SHOC2: variants seen among roughly 807,000 people sequenced by gnomAD.
SHOC2 encodes the protein leucine-rich repeat protein SHOC-2.
A neutral mutation model predicts 50.2 loss-of-function variants in SHOC2; 4 were observed. The observed-to-expected ratio is 0.08, with a 90% CI of 0.04 to 0.18. SHOC2 has a LOEUF of 0.18. Among genes scored for constraint, SHOC2 ranks in the 10% least tolerant of loss-of-function variants. The pLI is 1.00. For synonymous variants in SHOC2, 218 were observed against 244.5 expected (o/e 0.89, Z 1.01); for missense variants, 388 against 669.6 (o/e 0.58, Z 4.64).
At chr10:110,961,428 A>G (rs189139764) in intron 1 of SHOC2, among the ~76,000 whole-genome samples, 144 of 152,322 alleles carry the variant, frequency 9.5e-4, no homozygotes, top group African/African-American at 3.3e-3. Context: ...TGACTGTCAG[A>G]TAATTTGTTA....
intron 3 of SHOC2, among the ~76,000 whole-genome samples, chr10:110,999,760 GAAAGA>G (rs1848335479): frequency 3.4e-5 from 3 of 87,802 alleles, no homozygotes; most frequent in East Asian, 6.4e-4. Context: ...AAAAAAAAAA[GAAAGA>G]AAAGAAAAGA....
intron 3 of SHOC2, among the ~76,000 whole-genome samples, chr10:110,988,023 TTATAAAA>T (rs540914796): frequency 1.2e-4 from 19 of 152,210 alleles, no homozygotes; most frequent in African/African-American, 4.6e-4. Context: ...GTGGTGATAG[TTATAAAA>T]TATAATTTTA....
In SHOC2 at chr10:110,992,825, C is replaced by G. The variant is rs763109215; in HGVS notation, c.841+7060C>G. Reference sequence around the variant, plus strand: ...TCTGTGTTGCTTACTTTTCAGTTTGCTTTCAGTTTAATGTTTCTGAAAAAA... The same window carrying G: ...TCTGTGTTGCTTACTTTTCAGTTTGGTTTCAGTTTAATGTTTCTGAAAAAA... On this transcript the variant is annotated intron_variant, in intron 3 of 8. Coordinates refer to ENST00000369452, the MANE Select transcript of SHOC2 (RefSeq NM_007373.4). 4.5e-4 allele frequency among the ~76,000 whole-genome samples: 68 copies of G among 152,176 alleles called. 1 individual carries two copies. Among genetic ancestry groups the G allele is most frequent in the Middle Eastern group, 6.8e-3 (2 of 294 alleles).
chr10:110,978,581 C>T (rs1847917288), intron 2 of SHOC2, among the ~76,000 whole-genome samples: 1 of 152,200 alleles, frequency 6.6e-6, no homozygotes, highest in African/African-American at 2.4e-5. Flanking sequence ...AAAATCCAAA[C>T]TCTTAAAGAC....
intron 3 of SHOC2, among the ~76,000 whole-genome samples, chr10:110,990,150 G>A (rs553234236): frequency 7.9e-5 from 12 of 152,314 alleles, no homozygotes; most frequent in East Asian, 1.9e-4. Context: ...GAAGGCGAGC[G>A]CATGGCGCGG....
At position 111,011,828 on chromosome 10, in the gene SHOC2, G is replaced by C. The variant is rs760047969; in HGVS notation, c.*10G>C. The stretch of plus-strand genomic sequence containing the variant: ...TCGTGCCATGGTCTGATATAAATCT[G>C]CTGGTCCCACACACTGTTCAAAAAT... On this transcript the variant is annotated 3_prime_UTR_variant, in exon 9 of 9. Coordinates refer to ENST00000369452, the MANE Select transcript of SHOC2 (RefSeq NM_007373.4). 6.2e-7 allele frequency: 1 copy of C among 1,604,778 alleles called. No homozygotes were observed. The highest frequency in any genetic ancestry group is 8.5e-7 in the Non-Finnish European group (1 of 1,171,692).
intron 1 of SHOC2, among the ~76,000 whole-genome samples, chr10:110,921,988 A>G (rs1564698817): frequency 6.6e-6 from 1 of 152,068 alleles, no homozygotes; most frequent in Non-Finnish European, 1.5e-5. Flanking sequence ...TAGTTTTTAA[A>G]CTACCGTATT....
chr10:110,949,315 C>A (rs1847306396), intron 1 of SHOC2, among the ~76,000 whole-genome samples: 1 of 152,094 alleles, frequency 6.6e-6, no homozygotes. Flanking sequence ...CAATGAATAA[C>A]TATACACAAA....
Position 111,011,905 on chromosome 10 carries a change from T to C in SHOC2, c.*87T>C. 9.6e-7 allele frequency: 1 copy of C among 1,041,756 alleles called. No homozygotes were observed. Among genetic ancestry groups the C allele is most frequent in the Non-Finnish European group, 1.5e-6 (1 of 673,288 alleles). The allele number at this position is 1,041,756 out of a possible 1,614,324, so 64.5% of individuals were successfully genotyped here. A position where few individuals can be genotyped will look rare whatever the true frequency, so the allele number is the denominator to read the frequency against. ...TATCTGTATCTATTTATGTAGATATTGGTATATGGCAGATTTATAAAAATT... is the reference window on the plus strand; with the variant it reads ...TATCTGTATCTATTTATGTAGATATCGGTATATGGCAGATTTATAAAAATT... On this transcript the variant is annotated 3_prime_UTR_variant, in exon 9 of 9. Coordinates refer to ENST00000369452, the MANE Select transcript of SHOC2 (RefSeq NM_007373.4).
intron 1 of SHOC2, among the ~76,000 whole-genome samples, chr10:110,950,543 A>G (rs907298179): frequency 6.6e-6 from 1 of 152,192 alleles, no homozygotes; most frequent in Middle Eastern, 3.2e-3. Flanking sequence ...GTATGTAACC[A>G]CAAAAGACTC....
At chr10:110,965,249 G>C (rs992072772) in intron 2 of SHOC2, among the ~76,000 whole-genome samples, 188 bp downstream of exon 2, 6 of 151,998 alleles carry the variant, frequency 3.9e-5, no homozygotes, top group African/African-American at 1.5e-4. Flanking sequence ...TTGTTTCATA[G>C]ACTTAAAAAG....
chr10:110,964,918 T>C lies in SHOC2; in HGVS notation c.560T>C (p.Val187Ala). 1 of 1,613,846 alleles carries C rather than the reference T, an allele frequency of 6.2e-7. No homozygotes were observed. The highest frequency in any genetic ancestry group is 8.5e-7 in the Non-Finnish European group (1 of 1,179,960). The change falls in exon 2 of 9, where the codon GTG (valine) becomes GCG (alanine). Residue 187 changes from valine to alanine, a missense_variant. This residue lies in a region of SHOC2 where 88 missense variants were observed against 147.2 expected (regional missense o/e 0.60). Transcript: ENST00000369452. The surrounding 1 kb of genome is among the most constrained non-coding windows in gnomAD (Gnocchi z 4.9). ...RHNKLREIPS[V>A]VYRLDSLTTL... ...AATAAACTGAGAGAAATTCCTTCAG[T>C]GGTGTATAGGCTGGATTCTCTCACC...
At chr10:110,936,988 C>T in intron 1 of SHOC2, 2 of 1,465,890 alleles carry the variant, frequency 1.4e-6, no homozygotes, top group East Asian at 4.5e-5. Context: ...TTCGCACAGT[C>T]AGCCAGAAGA....
At position 110,946,291 on chromosome 10, in the gene SHOC2, T is replaced by G. The variant is rs138374575; in HGVS notation, c.-234-17834T>G. On this transcript the variant is annotated intron_variant, in intron 1 of 8. Transcript: ENST00000369452. ...CATTTATATTTCTTAAAGAAGAAAT[T>G]TATTCTAAAAAATTATGTCTAGATA... Among the ~76,000 whole-genome samples the G allele has an allele frequency of 1.9e-4, 29 of 151,366 alleles. No homozygotes were observed. In the East Asian group the frequency reaches 5.0e-3, roughly 26 times the overall value.
intron 1 of SHOC2, among the ~76,000 whole-genome samples, chr10:110,953,545 C>T (rs1447885407): frequency 6.6e-6 from 1 of 152,102 alleles, no homozygotes; most frequent in East Asian, 1.9e-4. Context: ...TGAAAGACAT[C>T]TTGGTTGCCT....
intron 1 of SHOC2, among the ~76,000 whole-genome samples, chr10:110,947,945 T>A (rs527670626): frequency 4.2e-4 from 64 of 152,262 alleles, no homozygotes; most frequent in Middle Eastern, 6.8e-3. Flanking sequence ...TAAAATATAT[T>A]TTTCAAAAGA....
chr10:111,001,970 C>T (rs1342108499), intron 4 of SHOC2, among the ~76,000 whole-genome samples: 2 of 151,622 alleles, frequency 1.3e-5, no homozygotes, highest in Admixed American at 6.6e-5. Context: ...GGCTTGAACC[C>T]GGGAGGCAGA....
intron 4 of SHOC2, among the ~76,000 whole-genome samples, chr10:111,003,520 G>A (rs527381643): frequency 4.6e-5 from 7 of 152,024 alleles, no homozygotes; most frequent in South Asian, 2.1e-4. Flanking sequence ...GTATTTTATC[G>A]CTTTTAGTCT....
chr10:110,977,259 AT>A (rs539731115), intron 2 of SHOC2, among the ~76,000 whole-genome samples: 3 of 150,642 alleles, frequency 2.0e-5, no homozygotes, highest in Admixed American at 2.0e-4. Flanking sequence ...ATGTCTGGTA[AT>A]TTTTTTTTGA....
Sources: allele counts gnomAD v4.1 joint callset (sites outside exome capture counted in the v4.1 genomes callset), GRCh38; gene constraint gnomAD v4.1.1; regional missense constraint gnomAD v4.1.1; non-coding constraint Gnocchi (gnomAD v3.1); transcripts MANE v1.5; gene names NCBI Gene and HGNC (gene_info 2026-07-23, HGNC 2026-07-21).